Variants in HS6ST2 observed in about 807,000 individuals in gnomAD.
The protein encoded by HS6ST2 is heparan sulfate 6-O-sulfotransferase 2, also known as heparan-sulfate 6-O-sulfotransferase 2.
In HS6ST2, 17 loss-of-function variants were observed where a neutral mutation model predicts 33.0. The ratio of observed to expected loss-of-function variants is 0.52; its 90% CI spans 0.35 to 0.77. HS6ST2 has a LOEUF of 0.77. HS6ST2 is among the 30% of genes least tolerant of loss of function. The probability of loss-of-function intolerance (pLI) is 0.01; values close to 1 mark genes in which losing one functional copy is unlikely to be tolerated. For missense variants in HS6ST2, 519 were observed against 551.7 expected, an observed-to-expected ratio of 0.94 and a Z score of 0.59; for synonymous variants, 248 against 237.1, an observed-to-expected ratio of 1.05 and a Z score of -0.42.
chrX:132,715,492 T>C (rs1461790497), intron 2 of HS6ST2, among the ~76,000 whole-genome samples: 1 of 112,140 alleles, frequency 8.9e-6, no homozygotes, highest in Non-Finnish European at 1.9e-5. Context: ...CTCGGGGATA[T>C]GTCTTCTAGT....
intron 2 of HS6ST2, among the ~76,000 whole-genome samples, chrX:132,775,616 T>A (rs1602662947): frequency 8.9e-6 from 1 of 112,116 alleles, no homozygotes; most frequent in East Asian, 2.8e-4. Flanking sequence ...GCTTGAATAA[T>A]ACTGAGCCTT....
chrX:132,808,630 G>C (rs951365990), intron 2 of HS6ST2: 1 of 112,306 alleles, frequency 8.9e-6, no homozygotes, highest in African/African-American at 3.2e-5. Flanking sequence ...ACTAGAATAA[G>C]GAAGACAAAA....
At chrX:132,899,088 T>A (rs1017911347) in intron 2 of HS6ST2, among the ~76,000 whole-genome samples, 1 of 111,623 alleles carries the variant, frequency 9.0e-6, no homozygotes, top group African/African-American at 3.3e-5. Context: ...AAAGGCTACG[T>A]TGATACTACC....
rs2064441153 is a variant in HS6ST2 at position 132,730,020 on chromosome X, C to T, written c.948-21526G>A. Among the ~76,000 whole-genome samples, 5 of 109,731 alleles carry T rather than the reference C, an allele frequency of 4.6e-5. No individual in the cohort carries two copies. In the Admixed American group the frequency reaches 4.8e-4, roughly 11 times the overall value. On this transcript the variant is annotated intron_variant, in intron 2 of 4. Transcript: ENST00000370833. ...ACCCCTGAGGCAGCCCTCAGGGTGC[C>T]TCCTCAGAACCCTGAGAGTCCAAGT...
intron 3 of HS6ST2, among the ~76,000 whole-genome samples, chrX:132,705,167 G>C (rs2064178740): frequency 1.1e-5 from 1 of 93,883 alleles, no homozygotes; most frequent in South Asian, 5.9e-4. Context: ...GGCAGTGGGG[G>C]AGGGAGAAGA....
chrX:132,929,247 G>T (rs935552091), intron 2 of HS6ST2, among the ~76,000 whole-genome samples: 1 of 110,940 alleles, frequency 9.0e-6, no homozygotes, highest in Non-Finnish European at 1.9e-5. Context: ...AACAGAAATA[G>T]GTGAACTAGA....
At chrX:132,933,617 G>A (rs1445939096) in intron 2 of HS6ST2, among the ~76,000 whole-genome samples, 1 of 111,484 alleles carries the variant, frequency 9.0e-6, no homozygotes, top group Non-Finnish European at 1.9e-5. Flanking sequence ...CGTGCAAGTA[G>A]CTCAATGAAC....
chrX:132,750,210 A>G (rs1039248853), intron 2 of HS6ST2, among the ~76,000 whole-genome samples: 4 of 110,853 alleles, frequency 3.6e-5, no homozygotes, highest in Non-Finnish European at 7.6e-5. Context: ...GGGCATGTGT[A>G]CTTGTAACAT....
chrX:132,760,310 A>G (rs2148308649), intron 2 of HS6ST2, among the ~76,000 whole-genome samples: 1 of 110,603 alleles, frequency 9.0e-6, no homozygotes, highest in Admixed American at 9.6e-5. Flanking sequence ...CATGGGAGGG[A>G]CTTGGTGGGA....
At chrX:132,672,180 A>C (rs1197954657) in intron 3 of HS6ST2, among the ~76,000 whole-genome samples, 1 of 110,855 alleles carries the variant, frequency 9.0e-6, no homozygotes, top group Non-Finnish European at 1.9e-5. Flanking sequence ...TGGGGCAAAG[A>C]CCTAAAGATT....
At chrX:132,851,061 C>A (rs923740139) in intron 2 of HS6ST2, among the ~76,000 whole-genome samples, 1 of 111,985 alleles carries the variant, frequency 8.9e-6, no homozygotes, top group African/African-American at 3.2e-5. Context: ...GCTATAAAAT[C>A]TGTGTTATTA....
chrX:132,745,257 C>T (rs187532639), intron 2 of HS6ST2, among the ~76,000 whole-genome samples: 6 of 111,436 alleles, frequency 5.4e-5, no homozygotes, highest in African/African-American at 1.6e-4. Context: ...AGCTAATTTT[C>T]GTATTTTTGG....
chrX:132,934,475 C>T (rs1569504965), intron 2 of HS6ST2, among the ~76,000 whole-genome samples: 1 of 111,175 alleles, frequency 9.0e-6, no homozygotes, highest in African/African-American at 3.3e-5. Flanking sequence ...AATAACAGCA[C>T]AAAAAGAGAG....
chrX:132,882,775 T>C (rs1329692422), intron 2 of HS6ST2, among the ~76,000 whole-genome samples: 1 of 111,158 alleles, frequency 9.0e-6, no homozygotes, highest in Admixed American at 9.6e-5. Flanking sequence ...TCATAAATAG[T>C]TCTTATTATT....
intron 2 of HS6ST2, among the ~76,000 whole-genome samples, chrX:132,905,770 A>G (rs2066467812): frequency 8.9e-6 from 1 of 111,832 alleles, no homozygotes; most frequent in Non-Finnish European, 1.9e-5. Flanking sequence ...AATTAAAAGA[A>G]TATTTTGTCT....
intron 2 of HS6ST2, among the ~76,000 whole-genome samples, chrX:132,951,092 G>T (rs2067010342): frequency 9.0e-6 from 1 of 111,020 alleles, no homozygotes; most frequent in African/African-American, 3.3e-5. Flanking sequence ...GTACTCTCCA[G>T]CCCGAACCAG....
At chrX:132,651,968 T>A (rs990834307) in intron 4 of HS6ST2, among the ~76,000 whole-genome samples, 1 of 112,148 alleles carries the variant, frequency 8.9e-6, no homozygotes, top group Non-Finnish European at 1.9e-5. Context: ...ATTCCAAACC[T>A]GTTATGCGCA....
intron 3 of HS6ST2, among the ~76,000 whole-genome samples, chrX:132,701,870 T>C (rs999757357): frequency 1.8e-5 from 2 of 112,296 alleles, no homozygotes; most frequent in Non-Finnish European, 3.8e-5. Flanking sequence ...TTTGGCTTTT[T>C]AGTTTTTTGA....
intron 2 of HS6ST2, among the ~76,000 whole-genome samples, chrX:132,913,061 C>T (rs1236770809): frequency 1.8e-5 from 2 of 111,243 alleles, no homozygotes; most frequent in African/African-American, 3.3e-5. Context: ...CCGGACTCAG[C>T]CACACTTTGG....
Sources: gnomAD v4.1 joint callset for allele counts (sites outside exome capture counted in the v4.1 genomes callset) on GRCh38, gnomAD v4.1.1 for gene constraint, MANE v1.5 for transcripts, NCBI Gene and HGNC (gene_info 2026-07-23, HGNC 2026-07-21) for gene names.